OAF: variants seen among roughly 807,000 people sequenced by gnomAD.
OAF encodes out at first homolog.
A neutral mutation model predicts 22.5 loss-of-function variants in OAF; 13 were observed. The ratio of observed to expected loss-of-function variants is 0.58; its 90% CI spans 0.38 to 0.92. The LOEUF is 0.92. OAF is among the 40% of genes least tolerant of loss of function. The pLI is 0.00. For synonymous variants in OAF, 175 were observed against 170.5 expected, an observed-to-expected ratio of 1.03 and a Z score of -0.21; for missense variants, 347 against 381.8, an observed-to-expected ratio of 0.91 and a Z score of 0.76.
Position 120,224,678 on chromosome 11 carries a change from G to A in OAF, c.232-983G>A, listed in dbSNP as rs538220841. ...CAGAGCTGTCATTCTAAGTCTCAGTGCAGAGCCATAGGGGTTCCCAGCAGA... is the reference window on the plus strand; with the variant it reads ...CAGAGCTGTCATTCTAAGTCTCAGTACAGAGCCATAGGGGTTCCCAGCAGA... On this transcript the variant is annotated intron_variant, in intron 1 of 3. Coordinates refer to ENST00000328965, the MANE Select transcript of OAF (RefSeq NM_178507.4). Among the ~76,000 whole-genome samples the A allele has an allele frequency of 2.0e-5, 3 of 152,296 alleles. No homozygotes were observed. In the South Asian group the frequency reaches 6.2e-4, roughly 32 times the overall value.
chr11:120,214,023 A>G (rs987806477), intron 1 of OAF: 7 of 152,214 alleles, frequency 4.6e-5, no homozygotes, highest in South Asian at 2.1e-4. Context: ...CTGAGCTGCA[A>G]TTGTACTACT....
chr11:120,226,189 TCTC>T (rs139542289), intron 2 of OAF, among the ~76,000 whole-genome samples: 2,603 of 152,202 alleles, frequency 0.017, 33 homozygotes, highest in Non-Finnish European at 0.029. Flanking sequence ...AGACATCACA[TCTC>T]CTCCGTCACT....
chr11:120,213,361 C>T (rs1485471175), intron 1 of OAF, among the ~76,000 whole-genome samples: 1 of 152,072 alleles, frequency 6.6e-6, no homozygotes, highest in East Asian at 1.9e-4. Context: ...TTGTGAGCAC[C>T]TCATTTGAAT....
Position 120,229,133 on chromosome 11 carries a change from C to T in OAF, c.813C>T (p.Tyr271=). ...RQLCLWDEDP[Y]PG Reference sequence around the variant, plus strand: ...TGTGTCTCTGGGATGAGGATCCCTACCCAGGCTAGGGTGGGAGCAACCTGG... The same window carrying T: ...TGTGTCTCTGGGATGAGGATCCCTATCCAGGCTAGGGTGGGAGCAACCTGG... Residue 271 remains tyrosine (Y), a synonymous_variant, in exon 4 of 4, where the codon TAC becomes TAT. Transcript: ENST00000328965. 1.9e-6 allele frequency: 3 copies of T among 1,611,508 alleles called. No individual in the cohort carries two copies. The highest frequency in any genetic ancestry group is 2.5e-6 in the Non-Finnish European group (3 of 1,178,602).
intron 3 of OAF, 47 bp from the exon 4 acceptor site, chr11:120,228,821 T>TGCCAAG: frequency 1.2e-5 from 6 of 520,274 alleles, no homozygotes; most frequent in East Asian, 6.8e-5. Context: ...GGGAGCTCCT[T>TGCCAAG]CCCTCCCTCC....
intron 1 of OAF, among the ~76,000 whole-genome samples, chr11:120,222,706 G>A (rs575847049): frequency 3.5e-4 from 53 of 152,292 alleles, no homozygotes; most frequent in African/African-American, 1.2e-3. Flanking sequence ...AAGCTTAGGA[G>A]ATCAAGACCA....
At chr11:120,217,878 G>T (rs979953069) in intron 1 of OAF, among the ~76,000 whole-genome samples, 1 of 152,242 alleles carries the variant, frequency 6.6e-6, no homozygotes, top group Non-Finnish European at 1.5e-5. Context: ...CTTTTCTGCT[G>T]TAGGGACCAA....
In OAF at chr11:120,228,936, C is replaced by A; in HGVS notation, c.616C>A (p.Gln206Lys). ...SEQAELPRCRQVGDHGKPCVC... is the reference protein window; with the variant it reads ...SEQAELPRCRKVGDHGKPCVC... ...GCAGGCGGAGCTGCCTCGCTGCAGG[C>A]AGGTGGGGGACCACGGGAAGCCCTG... is the stretch of plus-strand genomic sequence containing the variant. Residue 206 changes from glutamine (Q) to lysine (K), a missense_variant, in exon 4 of 4, where the codon CAG becomes AAG. Transcript: ENST00000328965. 6.2e-7 allele frequency: 1 copy of A among 1,610,772 alleles called. No homozygotes were observed. The highest frequency in any genetic ancestry group is 1.1e-5 in the South Asian group (1 of 91,044).
In OAF at chr11:120,229,271, C is replaced by G; in HGVS notation, c.*129C>G. The G allele has an allele frequency of 3.6e-6, 3 of 827,254 alleles. No homozygotes were observed. The highest frequency in any genetic ancestry group is 3.7e-6 in the Non-Finnish European group (2 of 536,164). 51.2% of individuals were successfully genotyped at this position (827,254 alleles called of 1,614,324 possible). On this transcript the variant is annotated 3_prime_UTR_variant, in exon 4 of 4. Coordinates refer to ENST00000328965, the MANE Select transcript of OAF (RefSeq NM_178507.4). ...ACTCCCCTGGCCCTAGAGCCTGGGC[C>G]CCTCTGGCCCCATCTCACATGACTG...
chr11:120,225,298 G>A (rs1323505897), intron 1 of OAF, among the ~76,000 whole-genome samples: 1 of 152,096 alleles, frequency 6.6e-6, no homozygotes, highest in Non-Finnish European at 1.5e-5. Flanking sequence ...AGGAACTCTG[G>A]AATCGGTACT....
chr11:120,220,875 A>G lies in OAF; in HGVS notation c.232-4786A>G, dbSNP rs116549356. 5.8e-3 allele frequency among the ~76,000 whole-genome samples: 876 copies of G among 152,284 alleles called. 10 individuals carry two copies. The highest frequency in any genetic ancestry group is 0.019 in the African/African-American group (802 of 41,552). On this transcript the variant is annotated intron_variant, in intron 1 of 3. Coordinates refer to ENST00000328965, the MANE Select transcript of OAF (RefSeq NM_178507.4). ...GGGGTTAGGCTTTCTGGTGAGGACA[A>G]AGGGAGCCCTTGAAGGGCATTCGGC...
At chr11:120,218,527 G>A (rs1424277763) in intron 1 of OAF, among the ~76,000 whole-genome samples, 1 of 152,202 alleles carries the variant, frequency 6.6e-6, no homozygotes, top group Non-Finnish European at 1.5e-5. Context: ...AGGAGCAGAG[G>A]AATAAATATT....
rs564113344 is a variant in OAF, at chr11:120,213,372, C to T, written c.231+1862C>T. ...GAGATTGTGAGCACCTCATTTGAAT[C>T]TCTACAGTGGTTCAGACCTCCACCC... On this transcript the variant is annotated intron_variant, in intron 1 of 3. Coordinates refer to ENST00000328965, the MANE Select transcript of OAF (RefSeq NM_178507.4). 1.4e-4 allele frequency among the ~76,000 whole-genome samples: 21 copies of T among 152,220 alleles called. No homozygotes were observed. In the East Asian group the frequency reaches 3.1e-3, roughly 22 times the overall value.
At position 120,225,805 on chromosome 11, in the gene OAF, CCA is replaced by C. The variant is rs1938349858; in HGVS notation, c.366+12_366+13del. On this transcript the variant is annotated intron_variant, in intron 2 of 3. Coordinates refer to ENST00000328965, the MANE Select transcript of OAF (RefSeq NM_178507.4). ...GGCCAAGCTCCGGCAGGTAAGTGCC[CCA>C]CCAGGCCTGCCTGGCCCAGGTCCTG... 6.3e-7 allele frequency: 1 copy of C among 1,594,606 alleles called. No homozygotes were observed. Among genetic ancestry groups the C allele is most frequent in the Non-Finnish European group, 8.5e-7 (1 of 1,171,824 alleles).
At chr11:120,219,969 C>T (rs896493481) in intron 1 of OAF, among the ~76,000 whole-genome samples, 2 of 152,198 alleles carry the variant, frequency 1.3e-5, no homozygotes, top group Non-Finnish European at 2.9e-5. Context: ...TCATTCGTTC[C>T]TCCAGCTACT....
At chr11:120,223,084 C>T (rs1240599031) in intron 1 of OAF, among the ~76,000 whole-genome samples, 1 of 152,226 alleles carries the variant, frequency 6.6e-6, no homozygotes, top group South Asian at 2.1e-4. Context: ...TTAAGGCAGG[C>T]TGCCGCCAGA....
At chr11:120,212,785 G>A (rs1591357181) in intron 1 of OAF, among the ~76,000 whole-genome samples, 1 of 149,320 alleles carries the variant, frequency 6.7e-6, no homozygotes, top group East Asian at 2.0e-4. Flanking sequence ...GATTGCCCCA[G>A]GGCCACGGAG....
At chr11:120,212,348 G>A (rs1938160808) in intron 1 of OAF, among the ~76,000 whole-genome samples, 1 of 152,012 alleles carries the variant, frequency 6.6e-6, no homozygotes, top group African/African-American at 2.4e-5. Context: ...TGTCTGTGTT[G>A]GAGGGAATAA....
In OAF at chr11:120,228,978, C is replaced by G; in HGVS notation, c.658C>G (p.Leu220Val). The change falls in exon 4 of 4, where the codon CTG becomes GTG. Residue 220 changes from leucine (L) to valine (V), a missense_variant. Leu to Val is a conservative substitution (Grantham distance 32). Coordinates refer to ENST00000328965, the MANE Select transcript of OAF (RefSeq NM_178507.4). The part of the protein sequence containing the change: ...HGKPCVCRYG[L>V]SLAWYPCMLK... ...GAAGCCCTGCGTCTGCCGCTATGGC[C>G]TGAGCCTGGCCTGGTACCCCTGCAT... The G allele has an allele frequency of 6.2e-7, 1 of 1,613,306 alleles. No individual in the cohort carries two copies. Among genetic ancestry groups the G allele is most frequent in the East Asian group, 2.2e-5 (1 of 44,876 alleles).
Sources: gnomAD v4.1 joint callset for allele counts (sites outside exome capture counted in the v4.1 genomes callset) on GRCh38, gnomAD v4.1.1 for gene constraint, MANE v1.5 for transcripts, NCBI Gene and HGNC (gene_info 2026-07-23, HGNC 2026-07-21) for gene names.